Variants in PDCD2L observed in about 807,000 individuals in gnomAD.
PDCD2L encodes the protein programmed cell death 2 like, also known as uS5 assembly chaperone PDCD2L.
Under a neutral mutation model 40.4 loss-of-function variants are expected in PDCD2L, and 44 were observed. That is an observed-to-expected ratio of 1.09 (90% confidence interval 0.86 to 1.40). The LOEUF (loss-of-function observed/expected upper bound fraction) is 1.40. Among genes scored for constraint, PDCD2L ranks in the 40% most tolerant of loss-of-function variants. The pLI is 0.00. For synonymous variants in PDCD2L, 194 were observed against 174.6 expected (o/e 1.11, Z -0.88); for missense variants, 470 against 453.7 (o/e 1.04, Z -0.33).
chr19:34,420,663 G>A lies in PDCD2L; in HGVS notation c.798-856G>A, dbSNP rs551928390. Among the ~76,000 whole-genome samples the A allele has an allele frequency of 7.9e-5, 12 of 151,710 alleles. No homozygotes were observed. The East Asian group carries it at 1.2e-3, about 15-fold the overall frequency. On this transcript the variant is annotated intron_variant, in intron 5 of 6. Coordinates refer to ENST00000246535, the MANE Select transcript of PDCD2L (RefSeq NM_032346.2). ...AAAAACTAGCTGGGTATGGTGATGC[G>A]CCTCTGTGTTCCCAGCTACTCAGGA...
At chr19:34,417,115 AAAAAT>A (rs1385878339) in intron 5 of PDCD2L, among the ~76,000 whole-genome samples, 2 of 152,064 alleles carry the variant, frequency 1.3e-5, no homozygotes, top group Non-Finnish European at 2.9e-5. Context: ...CTCTGTCTCA[AAAAAT>A]AAAATAAAAT....
At chr19:34,411,995 T>TAAAATATATATATTAAAAAATATATATG (rs1339303019) in intron 4 of PDCD2L, among the ~76,000 whole-genome samples, 9 of 136,452 alleles carry the variant, frequency 6.6e-5, no homozygotes, top group Middle Eastern at 3.9e-3. Context: ...AAATAAATAA[T>TAAAATATATATATTAAAAAATATATATG]AAAATATATA....
chr19:34,409,120 C>T (rs779281554), intron 3 of PDCD2L, 41 bp from the exon 4 acceptor site: 1 of 1,573,216 alleles, frequency 6.4e-7, no homozygotes, highest in East Asian at 2.2e-5. Flanking sequence ...GAATAAACCT[C>T]CCAAATGTGC....
chr19:34,420,804 A>AT (rs2075147264), intron 5 of PDCD2L, among the ~76,000 whole-genome samples: 1 of 112,992 alleles, frequency 8.9e-6, no homozygotes, highest in Admixed American at 9.1e-5. Flanking sequence ...AAAAAAAAAA[A>AT]AAAACCCAAA....
In PDCD2L at chr19:34,404,468, G is replaced by C; in HGVS notation, c.38G>C (p.Arg13Pro). Residue 13 changes from arginine to proline, a missense_variant, in exon 1 of 7, where the codon CGA becomes CCA. Arg to Pro is a moderately radical substitution (Grantham distance 103). Transcript: ENST00000246535. Reference protein sequence around the residue: ...AVLKPVLLGLRDAPVHGSPTG... With the variant: ...AVLKPVLLGLPDAPVHGSPTG... ...CTGAAGCCGGTGCTGCTGGGCCTTC[G>C]AGATGCGCCGGTGCACGGCAGCCCC... 1 of 1,544,634 alleles carries C rather than the reference G, an allele frequency of 6.5e-7. No individual in the cohort carries two copies. The highest frequency in any genetic ancestry group is 8.7e-7 in the Non-Finnish European group (1 of 1,146,378).
chr19:34,410,814 T>G (rs903578384), intron 4 of PDCD2L, among the ~76,000 whole-genome samples: 1 of 141,720 alleles, frequency 7.1e-6, no homozygotes, highest in Non-Finnish European at 1.6e-5. Flanking sequence ...GTGTGTGATA[T>G]GGGCTCTCTT....
chr19:34,422,626 T>C (rs1233926611), intron 6 of PDCD2L, among the ~76,000 whole-genome samples: 1 of 152,046 alleles, frequency 6.6e-6, no homozygotes, highest in Non-Finnish European at 1.5e-5. Flanking sequence ...AATTCACTAA[T>C]ATGGTAATTA....
At chr19:34,412,141 T>C (rs923517979) in intron 4 of PDCD2L, among the ~76,000 whole-genome samples, 3 of 151,626 alleles carry the variant, frequency 2.0e-5, no homozygotes, top group Non-Finnish European at 4.4e-5. Flanking sequence ...TCCCTTAGCC[T>C]CCTGAATAGC....
rs1371719148 is a variant in PDCD2L at position 34,404,546 on chromosome 19, C to A, written c.108+8C>A. On this transcript the variant is annotated splice_region_variant and intron_variant, in intron 1 of 6. Transcript: ENST00000246535. ...AAGCTGGGCGGCATTCCGGTGAGGG[C>A]GGGTGCCGGAGCTGGGGTCGATGGG... The A allele has an allele frequency of 2.6e-6, 4 of 1,549,556 alleles. No homozygotes were observed.
chr19:34,413,404 C>T lies in PDCD2L; in HGVS notation c.687-333C>T, dbSNP rs369948059. On this transcript the variant is annotated intron_variant, in intron 4 of 6. Transcript: ENST00000246535. ...GGAGTGTAGTGGCATGGCACGATCT[C>T]GGCTCACTGCAACTTCCGCTTCCCG... 4.9e-5 allele frequency among the ~76,000 whole-genome samples: 7 copies of T among 142,938 alleles called. No homozygotes were observed. In the East Asian group the frequency reaches 1.3e-3, roughly 27 times the overall value. 93.8% of individuals were successfully genotyped at this position (142,938 alleles called of 152,430 possible).
At chr19:34,404,599 G>A in intron 1 of PDCD2L, 50 bp from the exon 2 acceptor site, 1 of 1,593,482 alleles carries the variant, frequency 6.3e-7, no homozygotes, top group Non-Finnish European at 8.5e-7. Flanking sequence ...GAGGGAGTGG[G>A]CGAGGTCCTG....
In PDCD2L at chr19:34,404,785, GC is replaced by G; in HGVS notation, c.249del (p.Gly84AlafsTer73). Reference sequence around the variant, plus strand: ...CTGCTGCACGTGTTCGCGTGCGCCTGCCCCGGCTGTAGCACCGGCGGTGCGC... The same window carrying G: ...CTGCTGCACGTGTTCGCGTGCGCCTGCCCGGCTGTAGCACCGGCGGTGCGC... ...HRLLHVFACA[C>X]PGCSTGGARS... On this transcript the variant is annotated frameshift_variant, in exon 2 of 7. Coordinates refer to ENST00000246535, the MANE Select transcript of PDCD2L (RefSeq NM_032346.2). LOFTEE classifies it high-confidence loss of function. 6.2e-7 allele frequency: 1 copy of G among 1,605,952 alleles called. No individual in the cohort carries two copies.
intron 3 of PDCD2L, among the ~76,000 whole-genome samples, chr19:34,406,616 C>CTTGTCATCAGGATGGA (rs1375985993): frequency 2.6e-5 from 4 of 151,926 alleles, no homozygotes; most frequent in Non-Finnish European, 5.9e-5. Context: ...TGGTATTGAT[C>CTTGTCATCAGGATGGA]TCGTGACCTT....
intron 5 of PDCD2L, 175 bp from the exon 6 acceptor site, chr19:34,421,344 T>G (rs993080561): frequency 1.4e-6 from 1 of 724,312 alleles, no homozygotes; most frequent in Non-Finnish European, 2.3e-6. Context: ...AGACTTTGAA[T>G]CGAACACTGA....
At chr19:34,423,491 C>CT (rs547306985) in intron 6 of PDCD2L, among the ~76,000 whole-genome samples, 3,603 of 113,072 alleles carry the variant, frequency 0.032, 120 homozygotes, top group Admixed American at 0.07. Context: ...GACCCAGTAT[C>CT]TTTTTTTTTT....
rs998927576 is a variant in PDCD2L at position 34,425,989 on chromosome 19, G to A, written c.947-1G>A. 1 of 1,610,126 alleles carries A rather than the reference G, an allele frequency of 6.2e-7. No individual in the cohort carries two copies. The highest frequency in any genetic ancestry group is 8.5e-7 in the Non-Finnish European group (1 of 1,178,542). ...AAGCCTGAATATGTGGTATTTTTCAGGTCTTTCTGTGGAATTTGGAACAAT... is the reference window on the plus strand; with the variant it reads ...AAGCCTGAATATGTGGTATTTTTCAAGTCTTTCTGTGGAATTTGGAACAAT... On this transcript the variant is annotated splice_acceptor_variant, in intron 6 of 6. Transcript: ENST00000246535. LOFTEE classifies it high-confidence loss of function.
chr19:34,405,143 GTTTT>G (rs74177144), intron 3 of PDCD2L, among the ~76,000 whole-genome samples, 153 bp downstream of exon 3: 1 of 111,078 alleles, frequency 9.0e-6, no homozygotes, highest in Non-Finnish European at 1.7e-5. Context: ...TTTTCGTAAA[GTTTT>G]TTTTTTTTTT....
chr19:34,413,429 G>A (rs1294801809), intron 4 of PDCD2L, among the ~76,000 whole-genome samples: 3 of 147,020 alleles, frequency 2.0e-5, no homozygotes, highest in East Asian at 2.1e-4. Flanking sequence ...TCCGCTTCCC[G>A]GGTTCAAGCG....
intron 5 of PDCD2L, among the ~76,000 whole-genome samples, chr19:34,414,674 G>A (rs2075119550): frequency 1.3e-5 from 2 of 151,288 alleles, no homozygotes; most frequent in African/African-American, 4.9e-5. Flanking sequence ...TATTTTTTTA[G>A]AAATGGTATT....
Sources: allele counts gnomAD v4.1 joint callset (sites outside exome capture counted in the v4.1 genomes callset), GRCh38; gene constraint gnomAD v4.1.1; transcripts MANE v1.5; gene names NCBI Gene and HGNC (gene_info 2026-07-23, HGNC 2026-07-21).